The following ITCH variants were observed in gnomAD, a reference collection of about 807,000 sequenced individuals.
ITCH encodes the protein itchy E3 ubiquitin protein ligase, also known as E3 ubiquitin-protein ligase Itchy homolog.
ITCH carries 28 observed loss-of-function variants against 126.8 expected under a neutral mutation model. That is an observed-to-expected ratio of 0.22 (90% CI 0.16 to 0.30). The LOEUF is 0.30. Ranked by LOEUF, ITCH falls within the 10% of genes least tolerant of loss-of-function variation. The pLI is 1.00. For missense variants in ITCH, 631 were observed against 1,032.4 expected (o/e 0.61, Z 5.33); for synonymous variants, 342 against 340.0 (o/e 1.01, Z -0.06).
chr20:34,391,532 G>C (rs2038490644), intron 2 of ITCH, among the ~76,000 whole-genome samples: 1 of 152,038 alleles, frequency 6.6e-6, no homozygotes, highest in East Asian at 1.9e-4. Flanking sequence ...AATCTGTTCT[G>C]TGGTATGAAT....
intron 13 of ITCH, among the ~76,000 whole-genome samples, chr20:34,461,075 T>C (rs951414847): frequency 2.6e-5 from 4 of 152,034 alleles, no homozygotes; most frequent in Non-Finnish European, 4.4e-5. Flanking sequence ...ATAGATAATA[T>C]GGGACAAAAG....
intron 15 of ITCH, among the ~76,000 whole-genome samples, chr20:34,470,787 G>T (rs1458202527): frequency 2.6e-5 from 4 of 152,084 alleles, no homozygotes; most frequent in Non-Finnish European, 5.9e-5. Context: ...GTCCCCTTAT[G>T]TTGCCCAGGC....
intron 23 of ITCH, among the ~76,000 whole-genome samples, chr20:34,498,870 C>G (rs997413294): frequency 6.6e-6 from 1 of 151,772 alleles, no homozygotes; most frequent in African/African-American, 2.4e-5. Flanking sequence ...AAAAAATTCT[C>G]TCTTCTATTT....
intron 3 of ITCH, among the ~76,000 whole-genome samples, chr20:34,400,931 G>C (rs779449192): frequency 8.5e-5 from 13 of 152,156 alleles, no homozygotes; most frequent in Non-Finnish European, 1.6e-4. Context: ...CTCACTTTTT[G>C]TATTTTTAGT....
chr20:34,458,809 C>T (rs908766512), intron 13 of ITCH, among the ~76,000 whole-genome samples: 1 of 152,218 alleles, frequency 6.6e-6, no homozygotes. Flanking sequence ...TAGTGGCCCA[C>T]AGTACTTCAG....
At chr20:34,415,099 G>A (rs1979645134) in intron 6 of ITCH, among the ~76,000 whole-genome samples, 1 of 152,202 alleles carries the variant, frequency 6.6e-6, no homozygotes, top group Non-Finnish European at 1.5e-5. Context: ...TTAGAGGCCT[G>A]AAGACAATGA....
At chr20:34,432,345 G>A (rs1260789448) in intron 7 of ITCH, among the ~76,000 whole-genome samples, 2 of 152,132 alleles carry the variant, frequency 1.3e-5, no homozygotes, top group East Asian at 3.9e-4. Flanking sequence ...ATTATCAAAA[G>A]CAAAGGAAAT....
At chr20:34,390,022 A>G (rs558224532) in intron 2 of ITCH, among the ~76,000 whole-genome samples, 59 of 152,106 alleles carry the variant, frequency 3.9e-4, no homozygotes, top group African/African-American at 1.3e-3. Context: ...TGGGGAGGCT[A>G]AGGCAGGAGA....
intron 17 of ITCH, among the ~76,000 whole-genome samples, chr20:34,479,392 A>G (rs1988525358): frequency 6.6e-6 from 1 of 152,192 alleles, no homozygotes; most frequent in Non-Finnish European, 1.5e-5. Context: ...TAAAGGTGCA[A>G]TGTTGTCTTA....
At chr20:34,469,757 T>G (rs889196940) in intron 14 of ITCH, among the ~76,000 whole-genome samples, 1 of 152,188 alleles carries the variant, frequency 6.6e-6, no homozygotes, top group Non-Finnish European at 1.5e-5. Flanking sequence ...ATAGACAGCA[T>G]TCTCAGATAG....
chr20:34,431,004 T>G (rs112215771), intron 7 of ITCH, among the ~76,000 whole-genome samples: 1 of 152,006 alleles, frequency 6.6e-6, no homozygotes, highest in Non-Finnish European at 1.5e-5. Flanking sequence ...AGATACTGAG[T>G]GTCAAGAGGC....
intron 3 of ITCH, among the ~76,000 whole-genome samples, chr20:34,399,024 T>TA (rs1387738769): frequency 6.6e-6 from 1 of 152,186 alleles, no homozygotes; most frequent in Non-Finnish European, 1.5e-5. Context: ...ATGGGTCAGT[T>TA]ATAGTATTTG....
chr20:34,380,208 G>A (rs2038005392), intron 2 of ITCH, among the ~76,000 whole-genome samples: 2 of 152,032 alleles, frequency 1.3e-5, no homozygotes. Context: ...ATTTCACTTA[G>A]CATAATGTCT....
At chr20:34,412,227 A>C (rs1159014022) in intron 4 of ITCH, among the ~76,000 whole-genome samples, 2 of 152,224 alleles carry the variant, frequency 1.3e-5, no homozygotes, top group Non-Finnish European at 2.9e-5. Context: ...CTAAAGTAAA[A>C]CTAGTTTTCC....
At chr20:34,500,452 A>G (rs1323383582) in intron 23 of ITCH, among the ~76,000 whole-genome samples, 1 of 152,032 alleles carries the variant, frequency 6.6e-6, no homozygotes, top group Non-Finnish European at 1.5e-5. Flanking sequence ...TTTTGATTTA[A>G]AGTCTGTTTG....
At chr20:34,417,140 A>G in intron 6 of ITCH, 2 of 679,624 alleles carry the variant, frequency 2.9e-6, no homozygotes, top group Non-Finnish European at 2.7e-6. Context: ...CTGTTTGCCC[A>G]GGCTGGAGTG....
chr20:34,463,920 G>C (rs1474256956), intron 14 of ITCH, among the ~76,000 whole-genome samples: 1 of 151,730 alleles, frequency 6.6e-6, no homozygotes, highest in Non-Finnish European at 1.5e-5. Flanking sequence ...ACTGTAGATA[G>C]TGCCCTTTGA....
intron 6 of ITCH, among the ~76,000 whole-genome samples, chr20:34,421,109 G>T (rs78332099): frequency 6.6e-6 from 1 of 152,054 alleles, no homozygotes; most frequent in Non-Finnish European, 1.5e-5. Context: ...TGTTCACTTT[G>T]TTTTTTTATT....
chr20:34,464,790 A>T (rs1390972698), intron 14 of ITCH, among the ~76,000 whole-genome samples: 2 of 151,810 alleles, frequency 1.3e-5, no homozygotes, highest in Admixed American at 1.3e-4. Context: ...AGCTCACTGC[A>T]ACCTCTACCG....
Sources: gnomAD v4.1 joint callset for allele counts (sites outside exome capture counted in the v4.1 genomes callset) on GRCh38, gnomAD v4.1.1 for gene constraint, MANE v1.5 for transcripts, NCBI Gene and HGNC (gene_info 2026-07-23, HGNC 2026-07-21) for gene names.